Variants in KANSL1 observed in about 807,000 individuals in gnomAD.
KANSL1 encodes KAT8 regulatory NSL complex subunit 1, also known as MLL1/MLL complex subunit KANSL1.
Under a neutral mutation model 103.6 loss-of-function variants are expected in KANSL1, and 22 were observed. That is an observed-to-expected ratio of 0.21 (90% confidence interval 0.15 to 0.30). The LOEUF is 0.30. KANSL1 is among the 10% of genes least tolerant of loss of function. KANSL1 has a pLI of 1.00. For synonymous variants in KANSL1, 600 were observed against 527.6 expected (o/e 1.14, Z -1.88); for missense variants, 1,337 against 1,399.8 (o/e 0.96, Z 0.72).
At chr17:46,212,386 A>G (rs2048192933) in intron 1 of KANSL1, among the ~76,000 whole-genome samples, 1 of 152,104 alleles carries the variant, frequency 6.6e-6, no homozygotes, top group Non-Finnish European at 1.5e-5. Flanking sequence ...ACGCCCAGCT[A>G]ATTTTTGTAT....
At chr17:46,050,296 T>G (rs2077667465) in intron 7 of KANSL1, 2 of 564,672 alleles carry the variant, frequency 3.5e-6, no homozygotes, top group African/African-American at 1.9e-5. Context: ...CCCAGATCCC[T>G]CCTAGCTACT....
chr17:46,041,878 T>TTTTGTG (rs1445996410), intron 7 of KANSL1: 5 of 122,648 alleles, frequency 4.1e-5, no homozygotes, highest in African/African-American at 1.4e-4. Context: ...GAAATTTATT[T>TTTTGTG]TGTGTGTGTG....
At chr17:46,099,241 G>A (rs1167793329) in intron 2 of KANSL1, among the ~76,000 whole-genome samples, 1 of 131,338 alleles carries the variant, frequency 7.6e-6, no homozygotes, top group African/African-American at 2.6e-5. Flanking sequence ...GGAGAATGGC[G>A]TGAACCCGGA....
chr17:46,224,496 C>T (rs2048624475), upstream of KANSL1: 1 of 147,984 alleles, frequency 6.8e-6, no homozygotes. Flanking sequence ...AAAATAACAG[C>T]ACCCACTTCT....
At chr17:46,075,743 CTT>C (rs2078743379) in intron 4 of KANSL1, among the ~76,000 whole-genome samples, 1 of 152,180 alleles carries the variant, frequency 6.6e-6, no homozygotes, top group Non-Finnish European at 1.5e-5. Context: ...ACAGTACTCA[CTT>C]AAGATAAATA....
At chr17:46,200,721 G>A (rs970191229) in intron 1 of KANSL1, among the ~76,000 whole-genome samples, 5 of 151,994 alleles carry the variant, frequency 3.3e-5, no homozygotes, top group South Asian at 2.1e-4. Context: ...CAGCCTGGGC[G>A]ACAGAGCGAA....
chr17:46,214,190 A>T (rs1207174131), intron 1 of KANSL1, among the ~76,000 whole-genome samples: 3 of 152,360 alleles, frequency 2.0e-5, no homozygotes, highest in Non-Finnish European at 4.4e-5. Context: ...GGCAATCCTT[A>T]TTCCAAAGTT....
At chr17:46,092,628 T>C (rs1375782520) in intron 3 of KANSL1, among the ~76,000 whole-genome samples, 1 of 150,778 alleles carries the variant, frequency 6.6e-6, no homozygotes, top group African/African-American at 2.4e-5. Flanking sequence ...CATGACTGTA[T>C]TTGAACAAAT....
At chr17:46,151,065 G>A (rs1180724236) in intron 2 of KANSL1, among the ~76,000 whole-genome samples, 1 of 152,168 alleles carries the variant, frequency 6.6e-6, no homozygotes, top group Non-Finnish European at 1.5e-5. Context: ...AACATACTGA[G>A]TGCTAACCTT....
At chr17:46,125,075 AG>A (rs2043479555) in intron 2 of KANSL1, among the ~76,000 whole-genome samples, 2 of 19,112 alleles carry the variant, frequency 1.0e-4, no homozygotes, top group Non-Finnish European at 2.2e-4. Context: ...GGGAGGAGGG[AG>A]GGAGGGAGAG....
chr17:46,127,321 G>A (rs1428830187), intron 2 of KANSL1, among the ~76,000 whole-genome samples: 2 of 152,144 alleles, frequency 1.3e-5, no homozygotes, highest in Non-Finnish European at 2.9e-5. Context: ...GGGAAAAAAA[G>A]AACAATAAAA....
intron 3 of KANSL1, 42 bp downstream of exon 3, chr17:46,094,518 G>A (rs1325679018): frequency 6.9e-6 from 11 of 1,594,676 alleles, no homozygotes; most frequent in Non-Finnish European, 9.4e-6. Context: ...GATATTGATA[G>A]TTTTCGGCAG....
intron 1 of KANSL1, among the ~76,000 whole-genome samples, chr17:46,210,482 A>C (rs2048123909): frequency 6.7e-6 from 1 of 150,074 alleles, no homozygotes; most frequent in Non-Finnish European, 1.5e-5. Context: ...CAAAAAAAAA[A>C]AAAAAAAAAA....
intron 2 of KANSL1, among the ~76,000 whole-genome samples, chr17:46,099,113 G>A (rs1424100440): frequency 8.7e-6 from 1 of 115,034 alleles, no homozygotes; most frequent in East Asian, 1.9e-4. Context: ...CACGAGGTCA[G>A]GAGATCGAGA....
At chr17:46,032,378 C>G (rs2077036194) in intron 13 of KANSL1, 79 bp from the exon 14 acceptor site, 5 of 1,298,166 alleles carry the variant, frequency 3.9e-6, no homozygotes, top group Non-Finnish European at 5.2e-6. Flanking sequence ...AAAGCATCCC[C>G]ACTGGAGGAG....
rs550013198 is a variant in KANSL1, at chr17:46,058,190, G to A, written c.1849-7486C>T. Among the ~76,000 whole-genome samples, 45 of 152,320 alleles carry A rather than the reference G, an allele frequency of 3.0e-4. 1 individual carries two copies. The highest frequency in any genetic ancestry group is 4.7e-4 in the Non-Finnish European group (32 of 68,030). On this transcript the variant is annotated intron_variant, in intron 6 of 14. Coordinates refer to ENST00000432791, the MANE Select transcript of KANSL1 (RefSeq NM_015443.4). Reference sequence around the variant, plus strand: ...AGAAATCTTCATAAGATCCCCCTGAGTGTTTGCTAAATATTAAAAGGTGCA... The same window carrying A: ...AGAAATCTTCATAAGATCCCCCTGAATGTTTGCTAAATATTAAAAGGTGCA...
chr17:46,182,325 G>C (rs550666594), intron 1 of KANSL1, among the ~76,000 whole-genome samples: 1 of 152,360 alleles, frequency 6.6e-6, no homozygotes, highest in African/African-American at 2.4e-5. Flanking sequence ...GGTGGTATAT[G>C]TACAGCTTCT....
At chr17:46,161,762 C>T (rs2045756475) in intron 2 of KANSL1, among the ~76,000 whole-genome samples, 1 of 152,200 alleles carries the variant, frequency 6.6e-6, no homozygotes, top group South Asian at 2.1e-4. Context: ...CCCAATCTCC[C>T]CATTTCCCCC....
chr17:46,145,949 A>G (rs982694575), intron 2 of KANSL1, among the ~76,000 whole-genome samples: 3 of 152,186 alleles, frequency 2.0e-5, no homozygotes, highest in South Asian at 4.1e-4. Context: ...GGCTGGTCTC[A>G]AATTCCTGAC....
Sources: allele counts gnomAD v4.1 joint callset (sites outside exome capture counted in the v4.1 genomes callset), GRCh38; gene constraint gnomAD v4.1.1; transcripts MANE v1.5; gene names NCBI Gene and HGNC (gene_info 2026-07-23, HGNC 2026-07-21).